Variants in TAF5 observed in about 807,000 individuals in gnomAD.
TAF5 encodes transcription initiation factor TFIID subunit 5.
A neutral mutation model predicts 80.9 loss-of-function variants in TAF5; 20 were observed. The ratio of observed to expected loss-of-function variants is 0.25; its 90% CI spans 0.17 to 0.36. The LOEUF is 0.36. TAF5 is among the 10% of genes least tolerant of loss of function. TAF5 has a pLI of 1.00. For synonymous variants in TAF5, 388 were observed against 406.4 expected (o/e 0.95, Z 0.55); for missense variants, 863 against 1,029.4 (o/e 0.84, Z 2.21).
intron 1 of TAF5, among the ~76,000 whole-genome samples, chr10:103,371,286 G>T (rs555933490): frequency 1.3e-5 from 2 of 150,626 alleles, no homozygotes; most frequent in South Asian, 4.2e-4. Context: ...TTTGAATGTT[G>T]AATTTTGTGA....
At position 103,388,081 on chromosome 10, in the gene TAF5, C is replaced by T. The variant is rs1399499863; in HGVS notation, c.2261C>T (p.Thr754Ile). 3 of 1,614,106 alleles carry T rather than the reference C, an allele frequency of 1.9e-6. No individual in the cohort carries two copies. Among genetic ancestry groups the T allele is most frequent in the Admixed American group, 1.7e-5 (1 of 60,030 alleles). ...GATTTAGAGACCGATGACTTTACTA[C>T]AGCCACTGGGCATATAAATTTACCT... is the stretch of plus-strand genomic sequence containing the variant. ...FEDLETDDFT[T>I]ATGHINLPEN... The change falls in exon 11 of 11, where the codon ACA (threonine) becomes ATA (isoleucine). Residue 754 changes from threonine (T) to isoleucine (I), a missense_variant. By Grantham distance (89) the Thr-to-Ile change is moderately conservative. Transcript: ENST00000369839.
At chr10:103,380,064 G>C in intron 5 of TAF5, 45 bp downstream of exon 5, 1 of 1,580,588 alleles carries the variant, frequency 6.3e-7, no homozygotes, top group Non-Finnish European at 8.6e-7. Context: ...AGTCATGTAG[G>C]ATGATGATTT....
In TAF5 at chr10:103,368,079, C is replaced by T; in HGVS notation, c.90C>T (p.Asp30=). ...CGCTGCTACCTCCGCAGGCGGGGGA[C>T]GGCGCAGGCGAGGGTAGCGGCGGCA... The part of the protein sequence containing the change: ...PPTLLPPQAG[D]GAGEGSGGTT... The change falls in exon 1 of 11, where the codon GAC becomes GAT. Residue 30 remains aspartate (D), a synonymous_variant. Coordinates refer to ENST00000369839, the MANE Select transcript of TAF5 (RefSeq NM_006951.5). 5 of 1,426,620 alleles carry T rather than the reference C, an allele frequency of 3.5e-6. No homozygotes were observed. The highest frequency in any genetic ancestry group is 4.6e-6 in the Non-Finnish European group (5 of 1,091,690). The allele number at this position is 1,426,620 out of a possible 1,614,324, so 88.4% of individuals were successfully genotyped here.
chr10:103,373,989 T>G (rs930620967), intron 2 of TAF5, among the ~76,000 whole-genome samples: 1 of 151,986 alleles, frequency 6.6e-6, no homozygotes, highest in African/African-American at 2.4e-5. Flanking sequence ...GGGAATTGGT[T>G]AGGGACTGGA....
At chr10:103,372,605 A>G (rs2093362141) in intron 1 of TAF5, among the ~76,000 whole-genome samples, 3 of 150,284 alleles carry the variant, frequency 2.0e-5, no homozygotes, top group African/African-American at 7.3e-5. Flanking sequence ...AAGTGCTGGG[A>G]TTACAGGCGG....
intron 2 of TAF5, among the ~76,000 whole-genome samples, chr10:103,376,194 C>A (rs1385766640): frequency 6.6e-6 from 1 of 151,716 alleles, no homozygotes; most frequent in Non-Finnish European, 1.5e-5. Context: ...TAGGTTCAAG[C>A]AATTCTCCTG....
intron 2 of TAF5, 28 bp downstream of exon 2, chr10:103,373,623 T>C (rs769564453): frequency 6.7e-5 from 98 of 1,458,612 alleles, no homozygotes; most frequent in African/African-American, 1.7e-4. Context: ...TATATATATA[T>C]ACACACATAC....
intron 5 of TAF5, 113 bp downstream of exon 5, chr10:103,380,132 T>C (rs1370442791): frequency 2.5e-5 from 8 of 321,076 alleles, no homozygotes; most frequent in Non-Finnish European, 2.9e-5. Flanking sequence ...TTTAAACTCC[T>C]TTTTTTTTTT....
chr10:103,387,651 C>T lies in TAF5; in HGVS notation c.2138C>T (p.Thr713Ile), dbSNP rs999114321. The change falls in exon 10 of 11, where the codon ACA (threonine) becomes ATA (isoleucine). Residue 713 changes from threonine to isoleucine, a missense_variant. This residue lies in a region of TAF5 where 368 missense variants were observed against 461.7 expected (regional missense o/e 0.80). Transcript: ENST00000369839. ...GGAGAATTAAAAGGCCACACTGATA[C>T]AGTCTGTTCACTTAGGTTTAGTAGA... is the stretch of plus-strand genomic sequence containing the variant. The part of the protein sequence containing the change: ...MVGELKGHTD[T>I]VCSLRFSRDG... The T allele has an allele frequency of 3.7e-6, 6 of 1,613,898 alleles. No individual in the cohort carries two copies. The highest frequency in any genetic ancestry group is 5.1e-6 in the Non-Finnish European group (6 of 1,179,990).
chr10:103,384,086 C>T (rs1336635807), intron 7 of TAF5, among the ~76,000 whole-genome samples: 3 of 151,868 alleles, frequency 2.0e-5, no homozygotes. Context: ...GCTGCTTCAT[C>T]AAATTTAAGA....
At chr10:103,370,759 A>G (rs1476819291) in intron 1 of TAF5, among the ~76,000 whole-genome samples, 3 of 152,220 alleles carry the variant, frequency 2.0e-5, no homozygotes, top group Non-Finnish European at 4.4e-5. Context: ...AGTAAAACTC[A>G]TATACCGTAT....
chr10:103,380,218 T>C (rs1439061949), intron 5 of TAF5, among the ~76,000 whole-genome samples, 199 bp downstream of exon 5: 3 of 151,774 alleles, frequency 2.0e-5, no homozygotes, highest in African/African-American at 7.3e-5. Context: ...AATGTCCGCC[T>C]CCCAGGTTCA....
Position 103,385,152 on chromosome 10 carries a change from A to G in TAF5, c.1665-174A>G, listed in dbSNP as rs187695695. Among the ~76,000 whole-genome samples, 130 of 152,312 alleles carry G rather than the reference A, an allele frequency of 8.5e-4. 1 individual carries two copies. The highest frequency in any genetic ancestry group is 2.9e-3 in the African/African-American group (121 of 41,568). On this transcript the variant is annotated intron_variant, in intron 7 of 10. Transcript: ENST00000369839. ...AACATTAGTTTGGTTAGTTCTTTCA[A>G]TTGATACCTACTGTGAATTGCGTGT...
chr10:103,383,356 C>T lies in TAF5; in HGVS notation c.1653C>T (p.Phe551=). 1 of 1,594,186 alleles carries T rather than the reference C, an allele frequency of 6.3e-7. No individual in the cohort carries two copies. The highest frequency in any genetic ancestry group is 8.5e-7 in the Non-Finnish European group (1 of 1,174,750). The change falls in exon 7 of 11, where the codon TTC becomes TTT. Residue 551 remains phenylalanine (F), a synonymous_variant. Transcript: ENST00000369839. ...GTGGGCCTGTCTACGGAGCCAGCTT[C>T]AGTCCGGATAGGTAAAATACAAACA... ...GHSGPVYGAS[F]SPDRNYLLSS... is the part of the protein sequence containing the mutation.
Position 103,383,614 on chromosome 10 carries a change from T to C in TAF5, c.1664+247T>C, listed in dbSNP as rs576939172. 6.0e-5 allele frequency among the ~76,000 whole-genome samples: 9 copies of C among 150,920 alleles called. No homozygotes were observed. The East Asian group carries it at 1.8e-3, about 29-fold the overall frequency. ...TTTTTTTGAGACAGAGTTTCGCTCT[T>C]GTTGCCCAGGTTGGAGTGCAATGGC... On this transcript the variant is annotated intron_variant, in intron 7 of 10. Coordinates refer to ENST00000369839, the MANE Select transcript of TAF5 (RefSeq NM_006951.5).
intron 1 of TAF5, among the ~76,000 whole-genome samples, chr10:103,371,656 G>T (rs2093359829): frequency 6.6e-6 from 1 of 152,182 alleles, no homozygotes; most frequent in South Asian, 2.1e-4. Flanking sequence ...ATATAAATAA[G>T]GCATGGTCCT....
In TAF5 at chr10:103,379,946, C is replaced by T; in HGVS notation, c.1340C>T (p.Thr447Ile). The T allele has an allele frequency of 3.7e-6, 6 of 1,614,062 alleles. No individual in the cohort carries two copies. Among genetic ancestry groups the T allele is most frequent in the East Asian group, 2.2e-5 (1 of 44,882 alleles). The change falls in exon 5 of 11, where the codon ACC becomes ATC. Residue 447 changes from threonine (T) to isoleucine (I), a missense_variant. Transcript: ENST00000369839. ...GATAAGATAATGAATATGAAAGAAACCACCAAACGAGTGCGCCTTGGGCCG... is the reference window on the plus strand; with the variant it reads ...GATAAGATAATGAATATGAAAGAAATCACCAAACGAGTGCGCCTTGGGCCG... ...KLDKIMNMKE[T>I]TKRVRLGPDC...
Position 103,388,136 on chromosome 10 carries a change from AT to A in TAF5, c.2317del (p.Tyr773IlefsTer2). 6.2e-7 allele frequency: 1 copy of A among 1,614,118 alleles called. No homozygotes were observed. The highest frequency in any genetic ancestry group is 8.5e-7 in the Non-Finnish European group (1 of 1,179,978). Reference protein sequence around the residue: ...ENSQELLLGTYMTKSTPVVHL... With the variant: ...ENSQELLLGTXMTKSTPVVHL... Reference sequence around the variant, plus strand: ...ATTCACAGGAGTTATTGTTGGGAACATATATGACCAAATCAACACCAGTTGT... The same window carrying A: ...ATTCACAGGAGTTATTGTTGGGAACAATATGACCAAATCAACACCAGTTGT... On this transcript the variant is annotated frameshift_variant, in exon 11 of 11. Coordinates refer to ENST00000369839, the MANE Select transcript of TAF5 (RefSeq NM_006951.5). LOFTEE classifies it high-confidence loss of function.
In TAF5 at chr10:103,373,358, T is replaced by C. The variant is rs1379879577; in HGVS notation, c.560T>C (p.Val187Ala). Residue 187 changes from valine to alanine, a missense_variant and splice_region_variant, in exon 2 of 11, where the codon GTT becomes GCT. Physicochemically the swap from Val to Ala is moderately conservative, Grantham distance 64. Around this residue, in one of 3 missense-constraint regions of TAF5, gnomAD observed 367 missense variants for 335.5 expected, o/e 1.09. Transcript: ENST00000369839. ...TAAAAGTTTTTTGTTTTTTAAATAG[T>C]TGGAAGTGTTGCTGTGGAAGACCAG... The part of the protein sequence containing the change: ...SASGPAAPGK[V>A]GSVAVEDQPD... 1.2e-6 allele frequency: 2 copies of C among 1,613,236 alleles called. No homozygotes were observed. The highest frequency in any genetic ancestry group is 2.7e-5 in the African/African-American group (2 of 74,868).
Sources: gnomAD v4.1 joint callset for allele counts (sites outside exome capture counted in the v4.1 genomes callset) on GRCh38, gnomAD v4.1.1 for gene constraint, gnomAD v4.1.1 regional missense constraint, MANE v1.5 for transcripts, NCBI Gene and HGNC (gene_info 2026-07-23, HGNC 2026-07-21) for gene names.